Variants in NMUR2 observed in about 807,000 individuals in gnomAD.
The protein encoded by NMUR2 is neuromedin U receptor 2.
In NMUR2, 24 loss-of-function variants were observed where a neutral mutation model predicts 25.1. The observed-to-expected ratio is 0.96, with a 90% CI of 0.69 to 1.34. NMUR2 has a LOEUF of 1.34. NMUR2 is among the 40% of genes most tolerant of loss of function. The pLI, the probability that NMUR2 is intolerant of heterozygous loss-of-function variation, is 0.00. For synonymous variants in NMUR2, 218 were observed against 208.1 expected, an observed-to-expected ratio of 1.05 and a Z score of -0.41; for missense variants, 533 against 512.8, an observed-to-expected ratio of 1.04 and a Z score of -0.38.
At chr5:152,402,648 T>C (rs1753276811) in intron 1 of NMUR2, among the ~76,000 whole-genome samples, 2 of 152,180 alleles carry the variant, frequency 1.3e-5, no homozygotes, top group South Asian at 4.1e-4. Flanking sequence ...TTTCCCAAAT[T>C]GACCCAAAAT....
chr5:152,398,289 A>C, intron 1 of NMUR2, 145 bp from the exon 2 acceptor site: 1 of 631,082 alleles, frequency 1.6e-6, no homozygotes, highest in Non-Finnish European at 2.8e-6. Flanking sequence ...CAAATGTTTA[A>C]CAGTATGTTG....
chr5:152,392,962 G>A (rs189490219), intron 3 of NMUR2, among the ~76,000 whole-genome samples: 1 of 152,212 alleles, frequency 6.6e-6, no homozygotes, highest in East Asian at 1.9e-4. Context: ...GCTAAGATAC[G>A]GCTTCAAAGA....
At chr5:152,400,536 T>C (rs1489670689) in intron 1 of NMUR2, among the ~76,000 whole-genome samples, 1 of 152,148 alleles carries the variant, frequency 6.6e-6, no homozygotes, top group Non-Finnish European at 1.5e-5. Flanking sequence ...TCTTTTCTCA[T>C]GTTACCACTC....
At chr5:152,397,054 G>C (rs1342416867) in intron 2 of NMUR2, among the ~76,000 whole-genome samples, 3 of 124,922 alleles carry the variant, frequency 2.4e-5, no homozygotes, top group African/African-American at 7.8e-5. Flanking sequence ...TATGACCAAG[G>C]AGAAAAGGGG....
intron 1 of NMUR2, among the ~76,000 whole-genome samples, chr5:152,403,936 G>A (rs1474821284): frequency 1.3e-5 from 2 of 152,086 alleles, no homozygotes; most frequent in Admixed American, 6.5e-5. Context: ...AAATCTCAAT[G>A]CAGGCAGTGG....
At chr5:152,397,595 ATTTT>A (rs200628437) in intron 2 of NMUR2, among the ~76,000 whole-genome samples, 28 of 143,478 alleles carry the variant, frequency 2.0e-4, no homozygotes, top group Admixed American at 7.6e-4. Context: ...ATATTTGTTC[ATTTT>A]TTTTTTTTTT....
intron 1 of NMUR2, among the ~76,000 whole-genome samples, chr5:152,401,259 A>G (rs1379183723): frequency 6.6e-6 from 1 of 152,198 alleles, no homozygotes; most frequent in African/African-American, 2.4e-5. Flanking sequence ...TGTGATTACT[A>G]TTACTAAATA....
intron 1 of NMUR2, 82 bp downstream of exon 1, chr5:152,404,306 C>T: frequency 1.4e-6 from 2 of 1,479,158 alleles, no homozygotes; most frequent in Admixed American, 2.3e-5. Context: ...TGAATTTCCC[C>T]AATTCTAAGT....
At chr5:152,394,252 T>C (rs1753112106) in intron 3 of NMUR2, among the ~76,000 whole-genome samples, 1 of 152,210 alleles carries the variant, frequency 6.6e-6, no homozygotes, top group Non-Finnish European at 1.5e-5. Context: ...ATTTTTGAGC[T>C]TTGGTTGCAA....
intron 1 of NMUR2, among the ~76,000 whole-genome samples, chr5:152,401,796 G>A (rs191055689): frequency 2.7e-5 from 4 of 150,848 alleles, no homozygotes; most frequent in East Asian, 3.9e-4. Context: ...ACTGAATGCC[G>A]AGCTGTGAGC....
At chr5:152,393,665 C>A (rs1753098556) in intron 3 of NMUR2, among the ~76,000 whole-genome samples, 1 of 152,118 alleles carries the variant, frequency 6.6e-6, no homozygotes, top group Non-Finnish European at 1.5e-5. Flanking sequence ...CAATACCAAG[C>A]AGTATCTGTT....
chr5:152,397,012 G>GTTTTTTTGTTTTTTTTTTTTTTT (rs1753163888), intron 2 of NMUR2, among the ~76,000 whole-genome samples: 1 of 105,708 alleles, frequency 9.5e-6, no homozygotes, highest in Non-Finnish European at 2.0e-5. Flanking sequence ...TGAGCTTCAT[G>GTTTTTTTGTTTTTTTTTTTTTTT]TTTTTTTTTT....
At chr5:152,397,559 T>G (rs1343803977) in intron 2 of NMUR2, among the ~76,000 whole-genome samples, 1 of 151,920 alleles carries the variant, frequency 6.6e-6, no homozygotes, top group Non-Finnish European at 1.5e-5. Context: ...CCTCCTGAGA[T>G]GGATTGTAAA....
intron 1 of NMUR2, among the ~76,000 whole-genome samples, chr5:152,399,583 G>T (rs1205502020): frequency 6.6e-6 from 1 of 152,090 alleles, no homozygotes; most frequent in Non-Finnish European, 1.5e-5. Flanking sequence ...AATGCTTGGA[G>T]CCACCAAAGG....
intron 1 of NMUR2, among the ~76,000 whole-genome samples, chr5:152,401,960 T>A (rs945653665): frequency 9.2e-5 from 14 of 152,168 alleles, no homozygotes; most frequent in Non-Finnish European, 1.9e-4. Flanking sequence ...TGGGTCTCCT[T>A]GAGATGATAT....
rs143940807 is a variant in NMUR2, at chr5:152,403,147, T to C, written c.726+1241A>G. Among the ~76,000 whole-genome samples the C allele has an allele frequency of 4.3e-4, 65 of 152,320 alleles. 1 individual carries two copies. The Middle Eastern group carries it at 0.044, about 104-fold the overall frequency. ...TACTTCAGCTCACAGGTGTTTTTTT[T>C]TCTTTTTTTAAAGGAATAATAGACT... On this transcript the variant is annotated intron_variant, in intron 1 of 3. Transcript: ENST00000255262.
chr5:152,403,009 G>C (rs1474493348), intron 1 of NMUR2, among the ~76,000 whole-genome samples: 3 of 152,212 alleles, frequency 2.0e-5, no homozygotes, highest in Admixed American at 1.3e-4. Flanking sequence ...GCTTCTCAGA[G>C]ATGGACTGAA....
At position 152,392,248 on chromosome 5, in the gene NMUR2, G is replaced by A. The variant is rs1481166915; in HGVS notation, c.1191C>T (p.Leu397=). 4.3e-6 allele frequency: 7 copies of A among 1,613,922 alleles called. No homozygotes were observed. The highest frequency in any genetic ancestry group is 1.3e-5 in the African/African-American group (1 of 75,010). ...TTGTTCTTGACATCTGTTCACTAGA[G>A]AGGGCTGCTGGGAGGTGAGAGTTGT... ...SMHNSHLPAA[L]SSEQMSRTNY... The change falls in exon 4 of 4, where the codon CTC becomes CTT. Residue 397 remains leucine, a synonymous_variant. Transcript: ENST00000255262.
In NMUR2 at chr5:152,405,211, A is replaced by G; in HGVS notation, c.-98T>C. On this transcript the variant is annotated 5_prime_UTR_variant, in exon 1 of 4. Coordinates refer to ENST00000255262, the MANE Select transcript of NMUR2 (RefSeq NM_020167.5). ...AGAAAAAAGGAAAACAAAAAAGAGA[A>G]AGCAGTCACGAAAGTCACAGGCTTC... 2 of 1,396,852 alleles carry G rather than the reference A, an allele frequency of 1.4e-6. No homozygotes were observed. The highest frequency in any genetic ancestry group is 1.9e-6 in the Non-Finnish European group (2 of 1,040,044). The allele number at this position is 1,396,852 out of a possible 1,614,324, so 86.5% of individuals were successfully genotyped here. A position where few individuals can be genotyped will look rare whatever the true frequency, so the allele number is the denominator to read the frequency against.
Sources: allele counts gnomAD v4.1 joint callset (sites outside exome capture counted in the v4.1 genomes callset), GRCh38; gene constraint gnomAD v4.1.1; transcripts MANE v1.5; gene names NCBI Gene and HGNC (gene_info 2026-07-23, HGNC 2026-07-21).